Variants in LRRTM4 observed in about 807,000 individuals in gnomAD.
LRRTM4 encodes the protein leucine rich repeat transmembrane neuronal 4.
A neutral mutation model predicts 47.6 loss-of-function variants in LRRTM4; 25 were observed. The observed-to-expected ratio is 0.53, with a 90% CI of 0.38 to 0.73. The LOEUF (loss-of-function observed/expected upper bound fraction) is 0.73, where lower values mean the gene tolerates loss of function less well. Among genes scored for constraint, LRRTM4 ranks in the 30% least tolerant of loss-of-function variants. The probability of loss-of-function intolerance (pLI) is 0.00; values close to 1 mark genes in which losing one functional copy is unlikely to be tolerated. For synonymous variants in LRRTM4, 311 were observed against 269.5 expected (o/e 1.15, Z -1.51); for missense variants, 638 against 713.4 (o/e 0.89, Z 1.20).
chr2:76,786,796 A>C (rs1358135573), intron 3 of LRRTM4, among the ~76,000 whole-genome samples: 2 of 152,176 alleles, frequency 1.3e-5, no homozygotes, highest in African/African-American at 4.8e-5. Flanking sequence ...CAAACCAAAA[A>C]TAGTTCATTT....
chr2:76,774,809 C>T (rs13405269), intron 3 of LRRTM4, among the ~76,000 whole-genome samples: 1 of 152,188 alleles, frequency 6.6e-6, no homozygotes, highest in Non-Finnish European at 1.5e-5. Context: ...ATTTTTGCCA[C>T]TGTTTGCGTA....
chr2:77,216,316 C>T (rs1009791141), intron 3 of LRRTM4, among the ~76,000 whole-genome samples: 3 of 152,100 alleles, frequency 2.0e-5, no homozygotes, highest in African/African-American at 2.4e-5. Flanking sequence ...TATAGTGATT[C>T]GAAGGCAAGT....
chr2:77,015,868 AGCACT>A (rs1253047828), intron 3 of LRRTM4, among the ~76,000 whole-genome samples: 1 of 152,038 alleles, frequency 6.6e-6, no homozygotes, highest in Non-Finnish European at 1.5e-5. Context: ...CTATAATCCC[AGCACT>A]TGAGAGTCTG....
At chr2:76,807,942 TTTCTTTCTTTC>T (rs1282366629) in intron 3 of LRRTM4, among the ~76,000 whole-genome samples, 1 of 136,042 alleles carries the variant, frequency 7.4e-6, no homozygotes, top group Non-Finnish European at 1.5e-5. Flanking sequence ...CCTTTCTTTC[TTTCTTTCTTTC>T]TTTTTCTTTT....
intron 3 of LRRTM4, among the ~76,000 whole-genome samples, chr2:76,777,388 T>C (rs1248517324): frequency 8.3e-5 from 12 of 144,740 alleles, no homozygotes; most frequent in Non-Finnish European, 1.1e-4. Flanking sequence ...TTCCTACCCA[T>C]GAGCATGGAA....
At chr2:76,979,185 T>C (rs538220873) in intron 3 of LRRTM4, among the ~76,000 whole-genome samples, 18 of 152,128 alleles carry the variant, frequency 1.2e-4, no homozygotes, top group Admixed American at 2.6e-4. Flanking sequence ...CAGGCATTTC[T>C]TGGGGACTCC....
At chr2:77,364,885 C>T (rs1672382190) in intron 3 of LRRTM4, among the ~76,000 whole-genome samples, 1 of 151,866 alleles carries the variant, frequency 6.6e-6, no homozygotes, top group Non-Finnish European at 1.5e-5. Flanking sequence ...GAACAAATCC[C>T]CAATAATTAC....
At chr2:76,776,913 T>C in intron 3 of LRRTM4, among the ~76,000 whole-genome samples, 6 of 140,616 alleles carry the variant, frequency 4.3e-5, no homozygotes, top group South Asian at 2.6e-4. Flanking sequence ...AAGTCTTTAA[T>C]CCATCTTGAA....
At chr2:77,401,905 C>T (rs1265729811) in intron 3 of LRRTM4, among the ~76,000 whole-genome samples, 1 of 151,918 alleles carries the variant, frequency 6.6e-6, no homozygotes, top group Non-Finnish European at 1.5e-5. Context: ...CTGAGAATCT[C>T]TGGTGGATTT....
At chr2:77,489,893 G>A (rs1308036050) in intron 3 of LRRTM4, among the ~76,000 whole-genome samples, 1 of 152,208 alleles carries the variant, frequency 6.6e-6, no homozygotes, top group African/African-American at 2.4e-5. Flanking sequence ...AGTGTGAACA[G>A]TGAAACATAT....
In LRRTM4 at chr2:77,198,348, A is replaced by G. The variant is rs548631273; in HGVS notation, c.1551+319970T>C. Among the ~76,000 whole-genome samples the G allele has an allele frequency of 2.6e-5, 4 of 152,234 alleles. No individual in the cohort carries two copies. The South Asian group carries it at 8.3e-4, about 32-fold the overall frequency. On this transcript the variant is annotated intron_variant, in intron 3 of 3. Coordinates refer to ENST00000409884, the MANE Select transcript of LRRTM4 (RefSeq NM_001134745.3). The stretch of plus-strand genomic sequence containing the variant: ...AGGGCTGGGAGTTCTGTCCTTTCTC[A>G]TTGTGTCAAAGGAAGAAGATCTAGA...
At chr2:76,876,374 A>T (rs906852437) in intron 3 of LRRTM4, among the ~76,000 whole-genome samples, 1 of 152,170 alleles carries the variant, frequency 6.6e-6, no homozygotes, top group Non-Finnish European at 1.5e-5. Flanking sequence ...AAATTGTTAT[A>T]TAATTTTTGC....
chr2:76,904,416 C>T (rs1023226523), intron 3 of LRRTM4, among the ~76,000 whole-genome samples: 1 of 152,192 alleles, frequency 6.6e-6, no homozygotes, highest in Non-Finnish European at 1.5e-5. Flanking sequence ...GGGGCTTAGG[C>T]ATGTCCTATA....
At chr2:77,520,982 G>A (rs1679467368) in intron 2 of LRRTM4, among the ~76,000 whole-genome samples, 2 of 151,812 alleles carry the variant, frequency 1.3e-5, no homozygotes, top group African/African-American at 4.8e-5. Context: ...TAACCAAGAG[G>A]CAATCAACCA....
intron 3 of LRRTM4, among the ~76,000 whole-genome samples, chr2:77,412,436 G>A (rs1169483693): frequency 2.6e-5 from 4 of 152,278 alleles, no homozygotes; most frequent in South Asian, 2.1e-4. Context: ...ATTTGCAAGC[G>A]TTTTGCAAGC....
chr2:77,486,553 A>G (rs910555131), intron 3 of LRRTM4, among the ~76,000 whole-genome samples: 2 of 152,180 alleles, frequency 1.3e-5, no homozygotes, highest in African/African-American at 4.8e-5. Context: ...ATGAAAAAAT[A>G]ACAATTATAA....
chr2:77,269,497 G>A (rs1271373982), intron 3 of LRRTM4, among the ~76,000 whole-genome samples: 1 of 152,104 alleles, frequency 6.6e-6, no homozygotes, highest in Non-Finnish European at 1.5e-5. Flanking sequence ...TAACACAATA[G>A]ATTATATGTC....
chr2:77,359,993 C>T (rs1162153845), intron 3 of LRRTM4, among the ~76,000 whole-genome samples: 1 of 151,988 alleles, frequency 6.6e-6, no homozygotes, highest in African/African-American at 2.4e-5. Context: ...ATGAAGTCTT[C>T]TCTGAATTCT....
chr2:76,849,694 A>G (rs1262255391), intron 3 of LRRTM4, among the ~76,000 whole-genome samples: 1 of 152,146 alleles, frequency 6.6e-6, no homozygotes, highest in Non-Finnish European at 1.5e-5. Context: ...TTTTCATAGC[A>G]AGTCAAAATT....
Sources: gnomAD v4.1 joint callset for allele counts (sites outside exome capture counted in the v4.1 genomes callset) on GRCh38, gnomAD v4.1.1 for gene constraint, MANE v1.5 for transcripts, NCBI Gene and HGNC (gene_info 2026-07-23, HGNC 2026-07-21) for gene names.